FAT3: variants seen among roughly 807,000 people sequenced by gnomAD.
FAT3 encodes FAT atypical cadherin 3.
A neutral mutation model predicts 310.2 loss-of-function variants in FAT3; 95 were observed. That is an observed-to-expected ratio of 0.31 (90% CI 0.26 to 0.36). The LOEUF (loss-of-function observed/expected upper bound fraction) is 0.36, where lower values mean the gene tolerates loss of function less well. Among genes scored for constraint, FAT3 ranks in the 10% least tolerant of loss-of-function variants. The probability of loss-of-function intolerance (pLI) is 1.00; values close to 1 mark genes in which losing one functional copy is unlikely to be tolerated. For missense variants in FAT3, 5,408 were observed against 5,715.6 expected (o/e 0.95, Z 1.74); for synonymous variants, 2,314 against 2,192.9 (o/e 1.06, Z -1.54).
At chr11:92,279,547 G>T (rs1164030691) in intron 1 of FAT3, among the ~76,000 whole-genome samples, 1 of 152,122 alleles carries the variant, frequency 6.6e-6, no homozygotes, top group Non-Finnish European at 1.5e-5. Context: ...ACCAAAAAAA[G>T]AGGTACTTTG....
chr11:92,716,670 A>G (rs184234945), intron 4 of FAT3, among the ~76,000 whole-genome samples: 1 of 152,146 alleles, frequency 6.6e-6, no homozygotes, highest in East Asian at 1.9e-4. Flanking sequence ...TTTTACTTGC[A>G]TGTGTACTTG....
At chr11:92,380,072 CGTGTGTGTGTGTGTGT>C (rs34789717) in intron 2 of FAT3, among the ~76,000 whole-genome samples, 2 of 145,210 alleles carry the variant, frequency 1.4e-5, no homozygotes, top group African/African-American at 5.1e-5. Context: ...CAAACTGATT[CGTGTGTGTGTGTGTGT>C]GTGTGTGTGT....
intron 2 of FAT3, among the ~76,000 whole-genome samples, chr11:92,422,604 C>G (rs1166806467): frequency 1.3e-5 from 2 of 152,052 alleles, no homozygotes; most frequent in East Asian, 3.8e-4. Context: ...GAGGTGAGTG[C>G]TTGACCAGAG....
intron 10 of FAT3, among the ~76,000 whole-genome samples, chr11:92,803,238 T>G (rs1037882062): frequency 6.6e-6 from 1 of 152,160 alleles, no homozygotes; most frequent in African/African-American, 2.4e-5. Flanking sequence ...AATGGATGAT[T>G]TAAAGGGACT....
intron 2 of FAT3, among the ~76,000 whole-genome samples, chr11:92,459,893 A>G (rs1199704014): frequency 1.3e-5 from 2 of 152,190 alleles, no homozygotes; most frequent in East Asian, 1.9e-4. Context: ...TGCATGCCTT[A>G]TATACATTCC....
intron 8 of FAT3, among the ~76,000 whole-genome samples, chr11:92,791,844 TA>T (rs1947049178): frequency 1.3e-5 from 2 of 152,206 alleles, no homozygotes; most frequent in Non-Finnish European, 2.9e-5. Flanking sequence ...ATATGCAAAC[TA>T]AAGGAAACTT....
At chr11:92,514,192 T>C (rs1162629362) in intron 2 of FAT3, among the ~76,000 whole-genome samples, 1 of 152,206 alleles carries the variant, frequency 6.6e-6, no homozygotes, top group Admixed American at 6.6e-5. Context: ...TGCACAGTTC[T>C]GCCAAAACAA....
At chr11:92,842,308 T>A (rs1948573701) in intron 18 of FAT3, among the ~76,000 whole-genome samples, 1 of 152,196 alleles carries the variant, frequency 6.6e-6, no homozygotes, top group Non-Finnish European at 1.5e-5. Context: ...GGCAGCACTC[T>A]CCAGTCCTTC....
At chr11:92,234,867 A>G (rs542706009) in intron 1 of FAT3, among the ~76,000 whole-genome samples, 305 of 148,652 alleles carry the variant, frequency 2.1e-3, no homozygotes, top group African/African-American at 7.1e-3. Context: ...GTGCCATTGA[A>G]CTCCAGCCTG....
Position 92,352,765 on chromosome 11 carries a change from G to A in FAT3, c.653G>A (p.Arg218Gln), listed in dbSNP as rs377604683. Residue 218 changes from arginine (R) to glutamine (Q), a missense_variant, in exon 2 of 28, where the codon CGA becomes CAA. By Grantham distance (43) the Arg-to-Gln change is conservative (BLOSUM62 1). This residue lies in a region of FAT3 where 4,588 missense variants were observed against 4,809.8 expected (regional missense o/e 0.95). Coordinates refer to ENST00000525166, the MANE Select transcript of FAT3 (RefSeq NM_001367949.2). ...AGTGGTGTCATCTCCTTAAGTGGTC[G>A]ATTAAATTATGATGAAAAGAATAGG... ...PTSGVISLSG[R>Q]LNYDEKNRYD... is the part of the protein sequence containing the mutation. 8.3e-5 allele frequency: 134 copies of A among 1,613,618 alleles called. No individual in the cohort carries two copies. Among genetic ancestry groups the A allele is most frequent in the Non-Finnish European group, 1.1e-4 (125 of 1,179,876 alleles).
rs75734925 is a variant in FAT3 at position 92,827,478 on chromosome 11, A to G, written c.9482-4144A>G. Among the ~76,000 whole-genome samples, 66 of 152,318 alleles carry G rather than the reference A, an allele frequency of 4.3e-4. No homozygotes were observed. The East Asian group carries it at 0.012, about 27-fold the overall frequency. On this transcript the variant is annotated intron_variant, in intron 13 of 27. Transcript: ENST00000525166. ...TAGAAATGCAGACCCAGGGAAACGA[A>G]GTGACTTGCCCAAGGACACTTGTGT... is the stretch of plus-strand genomic sequence containing the variant.
rs760090138 is a variant in FAT3 at position 92,880,811 on chromosome 11, C to T, written c.12208C>T (p.Arg4070Trp). Residue 4070 changes from arginine to tryptophan, a missense_variant, in exon 23 of 28, where the codon CGG becomes TGG. By Grantham distance (101) the Arg-to-Trp change is moderately radical. Coordinates refer to ENST00000525166, the MANE Select transcript of FAT3 (RefSeq NM_001367949.2). ...TACAGCCTGCTTCCCAAACCCCTGC[C>T]GGAATGGAGGATCCTGCGATCCAAT... ...EITACFPNPC[R>W]NGGSCDPIGN... 19 of 1,613,762 alleles carry T rather than the reference C, an allele frequency of 1.2e-5. No homozygotes were observed. Among genetic ancestry groups the T allele is most frequent in the African/African-American group, 8.0e-5 (6 of 74,866 alleles).
intron 2 of FAT3, among the ~76,000 whole-genome samples, chr11:92,411,111 A>AAT (rs34161584): frequency 5.7e-5 from 2 of 35,030 alleles, no homozygotes; most frequent in Non-Finnish European, 1.6e-4. Context: ...TATATATAAA[A>AAT]ATATATATAT....
chr11:92,585,498 A>G (rs995883590), intron 3 of FAT3, among the ~76,000 whole-genome samples: 4 of 152,066 alleles, frequency 2.6e-5, no homozygotes, highest in Admixed American at 2.6e-4. Context: ...AAGAGAAATT[A>G]TAAAGTTCCA....
intron 3 of FAT3, among the ~76,000 whole-genome samples, chr11:92,538,714 C>A (rs555942041): frequency 6.6e-6 from 1 of 152,208 alleles, no homozygotes; most frequent in Admixed American, 6.5e-5. Flanking sequence ...CCCTTTAAGA[C>A]CTCACAGTTC....
chr11:92,895,989 T>C lies in FAT3; in HGVS notation c.*4876T>C, dbSNP rs1253744271. The C allele has an allele frequency of 6.6e-6, 1 of 152,190 alleles. No individual in the cohort carries two copies. The highest frequency in any genetic ancestry group is 1.5e-5 in the Non-Finnish European group (1 of 68,016). The allele number at this position is 152,190 out of a possible 1,614,324, so 9.4% of individuals were successfully genotyped here. ...GTTTTTTACTCATTTCAAAATGTAC[T>C]GTAACCTTTCTTTGGTTCTTACTGT... is the stretch of plus-strand genomic sequence containing the variant. On this transcript the variant is annotated 3_prime_UTR_variant, in exon 28 of 28. Coordinates refer to ENST00000525166, the MANE Select transcript of FAT3 (RefSeq NM_001367949.2).
In FAT3 at chr11:92,762,116, T is replaced by A. The variant is rs779563086; in HGVS notation, c.3930T>A (p.Thr1310=). The A allele has an allele frequency of 6.2e-7, 1 of 1,613,826 alleles. No homozygotes were observed. Among genetic ancestry groups the A allele is most frequent in the Non-Finnish European group, 8.5e-7 (1 of 1,179,782 alleles). Residue 1310 remains threonine, a synonymous_variant, in exon 5 of 28, where the codon ACT becomes ACA. Transcript: ENST00000525166. The part of the protein sequence containing the change: ...DDGKFFIDPK[T]GMVSSRKQFT... ...GAAAGTTCTTTATTGACCCTAAAACTGGGATGGTTTCTTCTAGAAAGCAGT... is the reference window on the plus strand; with the variant it reads ...GAAAGTTCTTTATTGACCCTAAAACAGGGATGGTTTCTTCTAGAAAGCAGT...
At chr11:92,612,356 C>T (rs1371691434) in intron 3 of FAT3, among the ~76,000 whole-genome samples, 1 of 151,654 alleles carries the variant, frequency 6.6e-6, no homozygotes, top group Non-Finnish European at 1.5e-5. Context: ...ATCAGTTTTG[C>T]TGGTAGATTT....
chr11:92,716,156 T>C (rs1291159026), intron 4 of FAT3, among the ~76,000 whole-genome samples: 1 of 152,092 alleles, frequency 6.6e-6, no homozygotes, highest in Non-Finnish European at 1.5e-5. Context: ...CTGCAGGTAG[T>C]GGTAGCAGTA....
Sources: gnomAD v4.1 joint callset for allele counts (sites outside exome capture counted in the v4.1 genomes callset) on GRCh38, gnomAD v4.1.1 for gene constraint, gnomAD v4.1.1 regional missense constraint, MANE v1.5 for transcripts, NCBI Gene and HGNC (gene_info 2026-07-23, HGNC 2026-07-21) for gene names.